The following CIAO2B variants were observed in gnomAD, a reference collection of about 807,000 sequenced individuals.
CIAO2B encodes the protein cytosolic iron-sulfur assembly component 2B.
Under a neutral mutation model 16.4 loss-of-function variants are expected in CIAO2B, and 20 were observed. The observed-to-expected ratio is 1.22, with a 90% CI of 0.86 to 1.77. CIAO2B has a LOEUF of 1.77. Among genes scored for constraint, CIAO2B ranks in the 40% most tolerant of loss-of-function variants. CIAO2B has a pLI of 0.00. For synonymous variants in CIAO2B, 106 were observed against 90.4 expected, an observed-to-expected ratio of 1.17 and a Z score of -0.98; for missense variants, 215 against 222.4, an observed-to-expected ratio of 0.97 and a Z score of 0.21.
In CIAO2B at chr16:66,934,368, G is replaced by A. The variant is rs374829700; in HGVS notation, c.-4C>T. The A allele has an allele frequency of 6.1e-5, 94 of 1,549,146 alleles. No homozygotes were observed. In the African/African-American group the frequency reaches 9.9e-4, roughly 16 times the overall value. ...CGACCCCGCCGCCGCCTACCATCGC[G>A]GAACCACCACCGCTGATCCTAGCAG... On this transcript the variant is annotated 5_prime_UTR_variant, in exon 1 of 5. Transcript: ENST00000422424. This position sits in a 1 kb window ranked among gnomAD's most constrained non-coding sequence, Gnocchi z 4.1.
In CIAO2B at chr16:66,934,197, C is replaced by T. The variant is rs760029796; in HGVS notation, c.142+26G>A. 1.2e-6 allele frequency: 2 copies of T among 1,608,190 alleles called. No homozygotes were observed. Among genetic ancestry groups the T allele is most frequent in the Non-Finnish European group, 1.7e-6 (2 of 1,177,382 alleles). ...CCCCCCACCGCAAGCCCCCGGAACC[C>T]GCCCGCGCCCAGCAGCGGCGGATAT... On this transcript the variant is annotated intron_variant, in intron 1 of 4. Transcript: ENST00000422424. This position sits in a 1 kb window ranked among gnomAD's most constrained non-coding sequence, Gnocchi z 4.1.
At chr16:66,933,790 C>A in intron 2 of CIAO2B, 51 bp from the exon 3 acceptor site, 1 of 1,546,720 alleles carries the variant, frequency 6.5e-7, no homozygotes, top group South Asian at 1.2e-5. Flanking sequence ...GCCCAAGGTC[C>A]CTCTTCTTAG....
intron 4 of CIAO2B, 137 bp from the exon 5 acceptor site, chr16:66,932,437 G>A (rs779315309): frequency 1.3e-6 from 1 of 760,712 alleles, no homozygotes; most frequent in Admixed American, 2.0e-5. Flanking sequence ...CTCCTTCCCA[G>A]GACCCCACAT....
Position 66,934,327 on chromosome 16 carries a change from T to G in CIAO2B, c.38A>C (p.Glu13Ala). Residue 13 changes from glutamate to alanine, a missense_variant, in exon 1 of 5, where the codon GAG becomes GCG. By Grantham distance (107) the Glu-to-Ala change is moderately radical. Coordinates refer to ENST00000422424, the MANE Select transcript of CIAO2B (RefSeq NM_016062.4). This position sits in a 1 kb window ranked among gnomAD's most constrained non-coding sequence, Gnocchi z 4.1. ...GGGGVGGGLL[E>A]NANPLIYQRS... Reference sequence around the variant, plus strand: ...CTGGTAGATGAGGGGGTTGGCATTCTCCAGGAGGCCGCCGCCGACCCCGCC... The same window carrying G: ...CTGGTAGATGAGGGGGTTGGCATTCGCCAGGAGGCCGCCGCCGACCCCGCC... The G allele has an allele frequency of 6.3e-7, 1 of 1,595,042 alleles. No homozygotes were observed.
rs756488085 is a variant in CIAO2B, at chr16:66,932,227, A to T, written c.468T>A (p.Asn156Lys). 6 of 1,613,824 alleles carry T rather than the reference A, an allele frequency of 3.7e-6. No homozygotes were observed. Among genetic ancestry groups the T allele is most frequent in the Non-Finnish European group, 5.1e-6 (6 of 1,179,818 alleles). ...CTCAGGAGCGGGCTGACAGGCACTG[A>T]TTCACAACCTCCAAGAGGTGGGTGT... ...LENTHLLEVVNQCLSARS is the reference protein window; with the variant it reads ...LENTHLLEVVKQCLSARS Residue 156 changes from asparagine (N) to lysine (K), a missense_variant, in exon 5 of 5, where the codon AAT becomes AAA. Transcript: ENST00000422424.
intron 2 of CIAO2B, 32 bp downstream of exon 2, chr16:66,933,955 G>A: frequency 1.2e-6 from 2 of 1,611,698 alleles, no homozygotes; most frequent in South Asian, 1.1e-5. Context: ...CTGACTCTCT[G>A]GAACAACTCG....
rs1319821539 is a variant in CIAO2B at position 66,932,802 on chromosome 16, C to A, written c.372G>T (p.Gly124=). The change falls in exon 4 of 5, where the codon GGG becomes GGT. Residue 124 remains glycine (G), a synonymous_variant. Transcript: ENST00000422424. ...RFKMDVHITP[G]THASEHAVNK... ...TACCTGCATGCTCTGAGGCATGGGT[C>A]CCCGGAGTAATGTGCACGTCCATCT... 1 of 1,611,828 alleles carries A rather than the reference C, an allele frequency of 6.2e-7. No individual in the cohort carries two copies. Among genetic ancestry groups the A allele is most frequent in the East Asian group, 2.2e-5 (1 of 44,824 alleles).
chr16:66,933,585 C>T, intron 3 of CIAO2B, 29 bp downstream of exon 3: 1 of 1,605,078 alleles, frequency 6.2e-7, no homozygotes, highest in Non-Finnish European at 8.5e-7. Context: ...AATGCCTGGT[C>T]TCACTCCCGG....
intron 4 of CIAO2B, 180 bp downstream of exon 4, chr16:66,932,600 A>G (rs1343103594): frequency 2.6e-6 from 2 of 771,074 alleles, no homozygotes; most frequent in Non-Finnish European, 4.6e-6. Flanking sequence ...TGGTAAGCAA[A>G]GGAGAGTCTT....
chr16:66,933,535 T>A, intron 3 of CIAO2B, 79 bp downstream of exon 3: 1 of 1,539,442 alleles, frequency 6.5e-7, no homozygotes, highest in Non-Finnish European at 8.8e-7. Flanking sequence ...CCTATCCATG[T>A]TCATGCTCTC....
In CIAO2B at chr16:66,934,172, C is replaced by A. The variant is rs1032084435; in HGVS notation, c.142+51G>T. The stretch of plus-strand genomic sequence containing the variant: ...CCACCAGCTGCTCGATATCACTGCT[C>A]CCCCCACCGCAAGCCCCCGGAACCC... On this transcript the variant is annotated intron_variant, in intron 1 of 4. Coordinates refer to ENST00000422424, the MANE Select transcript of CIAO2B (RefSeq NM_016062.4). This position sits in a 1 kb window ranked among gnomAD's most constrained non-coding sequence, Gnocchi z 4.1. 7 of 1,608,586 alleles carry A rather than the reference C, an allele frequency of 4.4e-6. No individual in the cohort carries two copies. The highest frequency in any genetic ancestry group is 5.9e-6 in the Non-Finnish European group (7 of 1,177,822).
intron 4 of CIAO2B, 77 bp from the exon 5 acceptor site, chr16:66,932,377 G>C: frequency 2.6e-6 from 3 of 1,142,084 alleles, no homozygotes; most frequent in Non-Finnish European, 3.9e-6. Flanking sequence ...CCCTACCTCT[G>C]AACCTCTATA....
chr16:66,932,210 C>T lies in CIAO2B; in HGVS notation c.485G>A (p.Arg162His), dbSNP rs1355105877. The change falls in exon 5 of 5, where the codon CGC becomes CAC. Residue 162 changes from arginine to histidine, a missense_variant. Coordinates refer to ENST00000422424, the MANE Select transcript of CIAO2B (RefSeq NM_016062.4). ...LEVVNQCLSA[R>H]S is the part of the protein sequence containing the mutation. ...AGGGGTCAAAGGCCAGGCTCAGGAGCGGGCTGACAGGCACTGATTCACAAC... is the reference window on the plus strand; with the variant it reads ...AGGGGTCAAAGGCCAGGCTCAGGAGTGGGCTGACAGGCACTGATTCACAAC... 1.7e-5 allele frequency: 27 copies of T among 1,611,304 alleles called. No individual in the cohort carries two copies. The highest frequency in any genetic ancestry group is 1.7e-5 in the Non-Finnish European group (20 of 1,178,024).
intron 4 of CIAO2B, 179 bp downstream of exon 4, chr16:66,932,601 G>T: frequency 2.6e-6 from 2 of 773,288 alleles, no homozygotes; most frequent in South Asian, 2.9e-5. Context: ...GGTAAGCAAA[G>T]GAGAGTCTTC....
intron 3 of CIAO2B, 74 bp downstream of exon 3, chr16:66,933,540 G>A: frequency 1.9e-6 from 3 of 1,548,012 alleles, no homozygotes; most frequent in Admixed American, 1.9e-5. Context: ...CCATGTTCAT[G>A]CTCTCCCAGT....
chr16:66,932,475 G>A (rs1230217696), intron 4 of CIAO2B, 175 bp from the exon 5 acceptor site: 1 of 726,854 alleles, frequency 1.4e-6, no homozygotes, highest in Non-Finnish European at 2.5e-6. Flanking sequence ...AACCACCTGA[G>A]CCCACCTAAT....
chr16:66,934,170 C>T lies in CIAO2B; in HGVS notation c.142+53G>A, dbSNP rs1047654980. The stretch of plus-strand genomic sequence containing the variant: ...CTCCACCAGCTGCTCGATATCACTG[C>T]TCCCCCCACCGCAAGCCCCCGGAAC... On this transcript the variant is annotated intron_variant, in intron 1 of 4. Coordinates refer to ENST00000422424, the MANE Select transcript of CIAO2B (RefSeq NM_016062.4). The surrounding 1 kb of genome is among the most constrained non-coding windows in gnomAD (Gnocchi z 4.1). The T allele has an allele frequency of 3.1e-6, 5 of 1,609,310 alleles. No individual in the cohort carries two copies. Among genetic ancestry groups the T allele is most frequent in the African/African-American group, 2.7e-5 (2 of 74,886 alleles).
chr16:66,933,974 G>A lies in CIAO2B; in HGVS notation c.222+13C>T. 1 of 1,613,328 alleles carries A rather than the reference G, an allele frequency of 6.2e-7. No individual in the cohort carries two copies. The highest frequency in any genetic ancestry group is 8.5e-7 in the Non-Finnish European group (1 of 1,179,740). On this transcript the variant is annotated intron_variant, in intron 2 of 4. Transcript: ENST00000422424. ...CTCTCTGGAACAACTCGCTCCCCTC[G>A]GAAGTGACTCACCTGAACCCGCACC...
chr16:66,933,865 A>T (rs1210493407), intron 2 of CIAO2B, 122 bp downstream of exon 2: 1 of 1,539,930 alleles, frequency 6.5e-7, no homozygotes, highest in Non-Finnish European at 8.8e-7. Context: ...TAAAATAGGC[A>T]CAACAATCTC....
Sources: gnomAD v4.1 joint callset for allele counts on GRCh38, gnomAD v4.1.1 for gene constraint, Gnocchi (gnomAD v3.1) non-coding constraint, MANE v1.5 for transcripts, NCBI Gene and HGNC (gene_info 2026-07-23, HGNC 2026-07-21) for gene names.